The following STIM1 variants were observed in gnomAD, a reference collection of about 807,000 sequenced individuals.
STIM1 encodes the protein stromal interaction molecule 1.
A neutral mutation model predicts 74.7 loss-of-function variants in STIM1; 25 were observed. The ratio of observed to expected loss-of-function variants is 0.33; its 90% confidence interval spans 0.24 to 0.47. The LOEUF is 0.47. Ranked by LOEUF, STIM1 falls within the 20% of genes least tolerant of loss-of-function variation. The probability of loss-of-function intolerance (pLI) is 1.00; values close to 1 mark genes in which losing one functional copy is unlikely to be tolerated. For missense variants in STIM1, 728 were observed against 920.8 expected (o/e 0.79, Z 2.71); for synonymous variants, 328 against 348.8 (o/e 0.94, Z 0.66).
chr11:4,015,157 C>A (rs1280457280), intron 2 of STIM1, among the ~76,000 whole-genome samples: 1 of 152,026 alleles, frequency 6.6e-6, no homozygotes, highest in Non-Finnish European at 1.5e-5. Flanking sequence ...ATGGTCTTTA[C>A]AATTTGGCAT....
intron 5 of STIM1, among the ~76,000 whole-genome samples, chr11:4,069,371 C>T (rs1209287739): frequency 6.6e-6 from 1 of 152,108 alleles, no homozygotes; most frequent in Non-Finnish European, 1.5e-5. Context: ...CTGAAAATAG[C>T]TCTGCCCCTC....
intron 1 of STIM1, among the ~76,000 whole-genome samples, chr11:3,907,348 T>A (rs1193825903): frequency 3.3e-5 from 5 of 152,230 alleles, no homozygotes; most frequent in African/African-American, 1.2e-4. Flanking sequence ...CTCCCTGAAT[T>A]TTAGACTTGC....
chr11:3,975,488 C>T (rs776268719), intron 2 of STIM1, among the ~76,000 whole-genome samples: 4 of 152,110 alleles, frequency 2.6e-5, no homozygotes, highest in South Asian at 2.1e-4. Flanking sequence ...TGTGGTGACA[C>T]GTGCCTGTAA....
chr11:4,051,735 CT>C (rs2094244103), intron 3 of STIM1, among the ~76,000 whole-genome samples: 2 of 152,062 alleles, frequency 1.3e-5, no homozygotes, highest in Non-Finnish European at 2.9e-5. Flanking sequence ...CAGGCTCAAT[CT>C]CCCAGGCTCA....
intron 1 of STIM1, among the ~76,000 whole-genome samples, chr11:3,967,093 A>G (rs2093347062): frequency 6.6e-6 from 1 of 152,232 alleles, no homozygotes; most frequent in Non-Finnish European, 1.5e-5. Flanking sequence ...TCATTTGGGC[A>G]CTGGGACTAA....
chr11:3,951,928 C>T (rs1047102029), intron 1 of STIM1, among the ~76,000 whole-genome samples: 2 of 151,956 alleles, frequency 1.3e-5, no homozygotes, highest in African/African-American at 4.8e-5. Flanking sequence ...CTTCTGGGGC[C>T]GTCTTTCTTC....
At chr11:3,873,767 C>G (rs2091216586) in intron 1 of STIM1, among the ~76,000 whole-genome samples, 1 of 152,136 alleles carries the variant, frequency 6.6e-6, no homozygotes, top group Non-Finnish European at 1.5e-5. Flanking sequence ...TAGCTGACAC[C>G]TAACTGCTCC....
At chr11:4,060,251 A>C (rs1190279167) in intron 5 of STIM1, among the ~76,000 whole-genome samples, 1 of 152,206 alleles carries the variant, frequency 6.6e-6, no homozygotes, top group Non-Finnish European at 1.5e-5. Flanking sequence ...GATTTCTTGG[A>C]AAACTATTTT....
intron 1 of STIM1, among the ~76,000 whole-genome samples, chr11:3,918,491 A>G (rs1451575273): frequency 6.6e-6 from 1 of 151,692 alleles, no homozygotes; most frequent in African/African-American, 2.4e-5. Flanking sequence ...AGCCAAGATC[A>G]GACCACTGCA....
intron 1 of STIM1, among the ~76,000 whole-genome samples, chr11:3,895,886 T>TTTCTTTTC (rs779508393): frequency 3.5e-5 from 5 of 140,868 alleles, no homozygotes; most frequent in African/African-American, 1.4e-4. Context: ...CTTTTCTTTC[T>TTTCTTTTC]TTTCTTTCTT....
intron 2 of STIM1, chr11:3,974,060 A>AC: frequency 4.3e-6 from 3 of 702,930 alleles, no homozygotes; most frequent in Admixed American, 2.0e-5. Flanking sequence ...GGCATATGTG[A>AC]CAAACCCAAA....
chr11:3,871,301 C>T (rs2091087091), intron 1 of STIM1, among the ~76,000 whole-genome samples: 1 of 152,130 alleles, frequency 6.6e-6, no homozygotes, highest in Admixed American at 6.6e-5. Flanking sequence ...TGAGAACTTC[C>T]TCTAGACTAG....
chr11:3,924,720 C>A (rs2092766855), intron 1 of STIM1, among the ~76,000 whole-genome samples: 1 of 152,134 alleles, frequency 6.6e-6, no homozygotes, highest in African/African-American at 2.4e-5. Flanking sequence ...TTTCTTTAAT[C>A]TTACCCATAA....
At chr11:4,064,566 C>T (rs1242736477) in intron 5 of STIM1, among the ~76,000 whole-genome samples, 1 of 152,094 alleles carries the variant, frequency 6.6e-6, no homozygotes, top group Non-Finnish European at 1.5e-5. Flanking sequence ...AATAAAAATT[C>T]TGTTATTGGT....
chr11:3,995,718 C>T (rs2093657221), intron 2 of STIM1, among the ~76,000 whole-genome samples: 3 of 152,032 alleles, frequency 2.0e-5, no homozygotes, highest in Admixed American at 6.6e-5. Context: ...GATCATGGCC[C>T]ACTGCAGCCT....
chr11:3,953,322 A>G (rs191783910), intron 1 of STIM1, among the ~76,000 whole-genome samples: 3 of 152,258 alleles, frequency 2.0e-5, no homozygotes, highest in East Asian at 1.9e-4. Flanking sequence ...AGGATGTTCT[A>G]TTTTACCCTG....
At chr11:3,878,891 A>G (rs556115498) in intron 1 of STIM1, among the ~76,000 whole-genome samples, 23 of 151,732 alleles carry the variant, frequency 1.5e-4, no homozygotes, top group African/African-American at 4.4e-4. Flanking sequence ...GTGCCTACCC[A>G]TTGTGGCCTC....
chr11:3,887,290 G>T (rs1197743927), intron 1 of STIM1, among the ~76,000 whole-genome samples: 2 of 152,266 alleles, frequency 1.3e-5, no homozygotes, highest in East Asian at 3.9e-4. Context: ...GCTCACTTTT[G>T]CCCTGCAACA....
chr11:3,967,502 G>C, intron 1 of STIM1, 50 bp from the exon 2 acceptor site: 1 of 1,613,302 alleles, frequency 6.2e-7, no homozygotes, highest in Non-Finnish European at 8.5e-7. Flanking sequence ...TGGGTGATAG[G>C]TTCTGGGTGG....
Sources: allele counts gnomAD v4.1 joint callset (sites outside exome capture counted in the v4.1 genomes callset), GRCh38; gene constraint gnomAD v4.1.1; transcripts MANE v1.5; gene names NCBI Gene and HGNC (gene_info 2026-07-23, HGNC 2026-07-21).